Variants in SDK1 observed in about 807,000 individuals in gnomAD.
SDK1 encodes sidekick cell adhesion molecule 1, also known as protein sidekick-1.
Under a neutral mutation model 245.5 loss-of-function variants are expected in SDK1, and 157 were observed. The observed-to-expected ratio is 0.64, with a 90% CI of 0.56 to 0.73. The LOEUF is 0.73. SDK1 is among the 30% of genes least tolerant of loss of function. The pLI, the probability that SDK1 is intolerant of heterozygous loss-of-function variation, is 0.00. For synonymous variants in SDK1, 1,647 were observed against 1,278.5 expected, an observed-to-expected ratio of 1.29 and a Z score of -6.15; for missense variants, 3,583 against 3,002.3, an observed-to-expected ratio of 1.19 and a Z score of -4.52.
At chr7:3,958,591 A>G (rs932608009) in intron 7 of SDK1, among the ~76,000 whole-genome samples, 1 of 152,230 alleles carries the variant, frequency 6.6e-6, no homozygotes, top group Non-Finnish European at 1.5e-5. Context: ...TAGTTTAGAT[A>G]CTGAAGCAAA....
chr7:3,702,969 T>A (rs1369267795), intron 4 of SDK1, among the ~76,000 whole-genome samples: 1 of 151,984 alleles, frequency 6.6e-6, no homozygotes, highest in South Asian at 2.1e-4. Context: ...ATTGGATGTT[T>A]CATGCGTTGC....
At chr7:3,600,174 T>C (rs1468386394) in intron 1 of SDK1, among the ~76,000 whole-genome samples, 1 of 152,228 alleles carries the variant, frequency 6.6e-6, no homozygotes, top group South Asian at 2.1e-4. Context: ...ATCATTCTCT[T>C]TGGAGTGATT....
intron 25 of SDK1, 47 bp from the exon 26 acceptor site, chr7:4,127,334 G>A: frequency 7.3e-7 from 1 of 1,373,254 alleles, no homozygotes; most frequent in Non-Finnish European, 1.0e-6. Flanking sequence ...TTTGTATGTA[G>A]ACACTCTAGA....
chr7:3,768,631 G>A (rs756221635), intron 4 of SDK1, among the ~76,000 whole-genome samples: 6 of 152,098 alleles, frequency 3.9e-5, no homozygotes, highest in African/African-American at 1.2e-4. Context: ...TAAATTACAC[G>A]CCTAGTCTCA....
chr7:4,028,132 C>A (rs1004120864), intron 17 of SDK1, among the ~76,000 whole-genome samples: 4 of 152,120 alleles, frequency 2.6e-5, no homozygotes, highest in African/African-American at 9.7e-5. Context: ...CTCCTAGGAA[C>A]TTGTTAGAAA....
intron 1 of SDK1, among the ~76,000 whole-genome samples, chr7:3,556,902 A>G (rs1035635732): frequency 1.5e-4 from 23 of 152,302 alleles, no homozygotes; most frequent in African/African-American, 5.3e-4. Context: ...GTTTACCCTG[A>G]TGTGATTATT....
chr7:3,560,929 G>A (rs981632669), intron 1 of SDK1, among the ~76,000 whole-genome samples: 2 of 152,142 alleles, frequency 1.3e-5, no homozygotes, highest in Non-Finnish European at 2.9e-5. Flanking sequence ...ACATTTCAAT[G>A]AGGTCATCCC....
chr7:3,366,017 C>T (rs908392223), intron 1 of SDK1, among the ~76,000 whole-genome samples: 3 of 146,970 alleles, frequency 2.0e-5, no homozygotes, highest in Admixed American at 6.9e-5. Flanking sequence ...CCAGCTTGGG[C>T]GACAAGAATG....
At chr7:3,552,651 A>G (rs1779454798) in intron 1 of SDK1, among the ~76,000 whole-genome samples, 1 of 152,234 alleles carries the variant, frequency 6.6e-6, no homozygotes, top group East Asian at 1.9e-4. Flanking sequence ...CCACAGAGTA[A>G]GATCTTACCT....
At chr7:3,719,415 G>A (rs1260452219) in intron 4 of SDK1, among the ~76,000 whole-genome samples, 2 of 152,080 alleles carry the variant, frequency 1.3e-5, no homozygotes, top group Non-Finnish European at 2.9e-5. Context: ...GACAGTAATC[G>A]TGACTGTGTG....
intron 4 of SDK1, among the ~76,000 whole-genome samples, chr7:3,698,525 G>A (rs1185053905): frequency 6.6e-6 from 1 of 152,168 alleles, no homozygotes; most frequent in Non-Finnish European, 1.5e-5. Context: ...CGTCAGTGGA[G>A]GCGTATAAGG....
chr7:3,908,610 C>T (rs1779043895), intron 5 of SDK1, among the ~76,000 whole-genome samples: 1 of 152,176 alleles, frequency 6.6e-6, no homozygotes, highest in Non-Finnish European at 1.5e-5. Flanking sequence ...TTTAAATATT[C>T]CGCAAGTACT....
At chr7:3,844,212 C>G (rs1205524262) in intron 5 of SDK1, among the ~76,000 whole-genome samples, 2 of 152,204 alleles carry the variant, frequency 1.3e-5, no homozygotes, top group Non-Finnish European at 2.9e-5. Context: ...CTCAGGTGAT[C>G]TGCCCACCTC....
chr7:3,995,608 T>G (rs1784644571), intron 14 of SDK1, among the ~76,000 whole-genome samples: 1 of 152,222 alleles, frequency 6.6e-6, no homozygotes, highest in South Asian at 2.1e-4. Flanking sequence ...TTGAATAATC[T>G]TTCTACTCCA....
chr7:3,655,473 A>G (rs1333584338), intron 4 of SDK1, among the ~76,000 whole-genome samples: 4 of 61,192 alleles, frequency 6.5e-5, no homozygotes, highest in African/African-American at 9.4e-5. Context: ...ATATATATAT[A>G]TATATATATA....
chr7:4,198,328 G>A (rs1237964057), intron 35 of SDK1, among the ~76,000 whole-genome samples: 1 of 152,194 alleles, frequency 6.6e-6, no homozygotes, highest in Non-Finnish European at 1.5e-5. Context: ...AGGGTTAAAG[G>A]ATGGGGACAA....
At chr7:3,759,087 G>A (rs779446681) in intron 4 of SDK1, among the ~76,000 whole-genome samples, 1 of 152,148 alleles carries the variant, frequency 6.6e-6, no homozygotes, top group Non-Finnish European at 1.5e-5. Context: ...TAGGATTGCT[G>A]ACGTGTATCC....
chr7:3,545,827 A>T (rs1035493628), intron 1 of SDK1, among the ~76,000 whole-genome samples: 1 of 152,228 alleles, frequency 6.6e-6, no homozygotes, highest in Non-Finnish European at 1.5e-5. Flanking sequence ...TTGAAATCTG[A>T]AAAGTGAAAA....
chr7:3,908,449 C>T (rs1779037744), intron 5 of SDK1, among the ~76,000 whole-genome samples: 1 of 152,202 alleles, frequency 6.6e-6, no homozygotes, highest in East Asian at 1.9e-4. Context: ...TGCTCACCCG[C>T]AGTCCACTCA....
Sources: gnomAD v4.1 joint callset for allele counts (sites outside exome capture counted in the v4.1 genomes callset) on GRCh38, gnomAD v4.1.1 for gene constraint, MANE v1.5 for transcripts, NCBI Gene and HGNC (gene_info 2026-07-23, HGNC 2026-07-21) for gene names.